Variants in LPGAT1 observed in about 807,000 individuals in gnomAD.
LPGAT1 encodes acyl-CoA:lysophosphatidylglycerol acyltransferase 1.
Under a neutral mutation model 47.5 loss-of-function variants are expected in LPGAT1, and 11 were observed. The ratio of observed to expected loss-of-function variants is 0.23; its 90% CI spans 0.15 to 0.38. The LOEUF is 0.38. LPGAT1 is among the 10% of genes least tolerant of loss of function. LPGAT1 has a pLI of 1.00. For missense variants in LPGAT1, 293 were observed against 439.0 expected, an observed-to-expected ratio of 0.67 and a Z score of 2.97; for synonymous variants, 138 against 144.2, an observed-to-expected ratio of 0.96 and a Z score of 0.31.
chr1:211,811,893 G>A (rs1034157612), intron 2 of LPGAT1, among the ~76,000 whole-genome samples: 11 of 152,208 alleles, frequency 7.2e-5, no homozygotes, highest in African/African-American at 2.4e-4. Context: ...ATATCCTGGA[G>A]GATAAGAGCA....
At chr1:211,751,716 G>A (rs1031908965) in intron 6 of LPGAT1, among the ~76,000 whole-genome samples, 3 of 152,148 alleles carry the variant, frequency 2.0e-5, no homozygotes, top group African/African-American at 4.8e-5. Context: ...TGCTGACCTT[G>A]AAAAATAGTT....
chr1:211,827,942 G>A (rs1660590269), intron 2 of LPGAT1, among the ~76,000 whole-genome samples: 1 of 152,120 alleles, frequency 6.6e-6, no homozygotes, highest in Non-Finnish European at 1.5e-5. Flanking sequence ...TGGGGCAACT[G>A]AGAATACTCA....
intron 2 of LPGAT1, among the ~76,000 whole-genome samples, chr1:211,805,226 C>T (rs1659709700): frequency 6.6e-6 from 1 of 151,834 alleles, no homozygotes; most frequent in Admixed American, 6.6e-5. Context: ...CATAAATCAC[C>T]AATAACAGGA....
intron 4 of LPGAT1, among the ~76,000 whole-genome samples, chr1:211,787,204 G>A (rs750837628): frequency 2.0e-5 from 3 of 152,010 alleles, no homozygotes; most frequent in Non-Finnish European, 4.4e-5. Context: ...AGAGCTCCCT[G>A]AGCCTGGCAC....
chr1:211,785,866 C>T (rs1333395827), intron 4 of LPGAT1, among the ~76,000 whole-genome samples: 1 of 152,134 alleles, frequency 6.6e-6, no homozygotes, highest in Non-Finnish European at 1.5e-5. Flanking sequence ...CTCGGCCTCC[C>T]AAAGTGCTGG....
chr1:211,782,927 T>C (rs911788380), intron 5 of LPGAT1, among the ~76,000 whole-genome samples: 1 of 152,290 alleles, frequency 6.6e-6, no homozygotes, highest in Middle Eastern at 3.4e-3. Context: ...ACTACAGAAA[T>C]AGTTCCACCA....
chr1:211,819,351 T>C (rs7545377), intron 2 of LPGAT1, among the ~76,000 whole-genome samples: 148,429 of 152,182 alleles, frequency 0.98, 72,398 homozygotes, highest in East Asian at 1. Context: ...AATAATTACC[T>C]AGGCATGGTG....
intron 6 of LPGAT1, among the ~76,000 whole-genome samples, chr1:211,758,971 T>C (rs1044554581): frequency 2.6e-5 from 4 of 152,326 alleles, no homozygotes; most frequent in Non-Finnish European, 5.9e-5. Flanking sequence ...TATGTAATTT[T>C]CCCCTATATT....
At chr1:211,827,150 T>C (rs1038546067) in intron 2 of LPGAT1, among the ~76,000 whole-genome samples, 16 of 152,206 alleles carry the variant, frequency 1.1e-4, no homozygotes, top group African/African-American at 3.9e-4. Context: ...TTTTAAAATA[T>C]ATACATTAAA....
At chr1:211,769,123 T>C (rs1453481018) in intron 6 of LPGAT1, among the ~76,000 whole-genome samples, 1 of 152,202 alleles carries the variant, frequency 6.6e-6, no homozygotes, top group East Asian at 1.9e-4. Flanking sequence ...CTGGATACTA[T>C]GTTGGAATTC....
intron 2 of LPGAT1, among the ~76,000 whole-genome samples, chr1:211,811,497 C>T (rs1659986055): frequency 6.6e-6 from 1 of 152,162 alleles, no homozygotes; most frequent in South Asian, 2.1e-4. Flanking sequence ...GTGGCTCATG[C>T]CTGTAATCCA....
Position 211,743,981 on chromosome 1 carries a change from T to A in LPGAT1, c.*5918A>T, listed in dbSNP as rs559560399. The A allele has an allele frequency of 2.6e-5, 4 of 152,230 alleles. No individual in the cohort carries two copies. Among genetic ancestry groups the A allele is most frequent in the African/African-American group, 9.6e-5 (4 of 41,458 alleles). The allele number at this position is 152,230 out of a possible 1,614,324, so 9.4% of individuals were successfully genotyped here. A position where few individuals can be genotyped will look rare whatever the true frequency, so the allele number is the denominator to read the frequency against. On this transcript the variant is annotated 3_prime_UTR_variant, in exon 8 of 8. Coordinates refer to ENST00000366997, the MANE Select transcript of LPGAT1 (RefSeq NM_014873.3). ...TCTTAGAGATGCCTATACCACAGTT[T>A]ACTTAGCTTTGAGAAATGAAAAGTA...
At chr1:211,821,345 T>C (rs1239651419) in intron 2 of LPGAT1, among the ~76,000 whole-genome samples, 2 of 152,206 alleles carry the variant, frequency 1.3e-5, no homozygotes, top group South Asian at 2.1e-4. Context: ...TGAGCCCTTA[T>C]TGAGAAACTA....
intron 4 of LPGAT1, among the ~76,000 whole-genome samples, chr1:211,787,189 G>A (rs547738993): frequency 3.9e-5 from 6 of 152,070 alleles, no homozygotes; most frequent in African/African-American, 1.2e-4. Flanking sequence ...CAAAGATTCC[G>A]AGAAAGAGCT....
intron 3 of LPGAT1, among the ~76,000 whole-genome samples, chr1:211,789,511 T>A (rs1659019025): frequency 6.6e-6 from 1 of 152,128 alleles, no homozygotes; most frequent in African/African-American, 2.4e-5. Flanking sequence ...TTAATAAAGT[T>A]CTTTTGACAG....
rs778292847 is a variant in LPGAT1, at chr1:211,749,762, G to A, written c.*137C>T. 8.4e-6 allele frequency: 7 copies of A among 834,654 alleles called. No homozygotes were observed. Among genetic ancestry groups the A allele is most frequent in the South Asian group, 4.7e-5 (3 of 63,376 alleles). 51.7% of individuals were successfully genotyped at this position (834,654 alleles called of 1,614,324 possible). On this transcript the variant is annotated 3_prime_UTR_variant, in exon 8 of 8. Coordinates refer to ENST00000366997, the MANE Select transcript of LPGAT1 (RefSeq NM_014873.3). ...AGTAGATTTTAAAATATCCCAAAGG[G>A]GGATAAATATTAATCCATCCATTGA... is the stretch of plus-strand genomic sequence containing the variant.
chr1:211,769,823 A>G (rs1303656338), intron 6 of LPGAT1, among the ~76,000 whole-genome samples: 1 of 152,152 alleles, frequency 6.6e-6, no homozygotes, highest in Non-Finnish European at 1.5e-5. Context: ...TCTTTACTGC[A>G]GCCTGTTTTA....
chr1:211,808,457 C>A (rs1335414185), intron 2 of LPGAT1, among the ~76,000 whole-genome samples: 1 of 151,570 alleles, frequency 6.6e-6, no homozygotes, highest in Non-Finnish European at 1.5e-5. Flanking sequence ...ACACAGATGG[C>A]AAATAACTAT....
At chr1:211,797,752 C>T (rs1210457847) in intron 2 of LPGAT1, among the ~76,000 whole-genome samples, 1 of 152,174 alleles carries the variant, frequency 6.6e-6, no homozygotes, top group African/African-American at 2.4e-5. Context: ...AGTTCTTACA[C>T]TGCACTTGAT....
Sources: gnomAD v4.1 joint callset for allele counts (sites outside exome capture counted in the v4.1 genomes callset) on GRCh38, gnomAD v4.1.1 for gene constraint, MANE v1.5 for transcripts, NCBI Gene and HGNC (gene_info 2026-07-23, HGNC 2026-07-21) for gene names.